Variants in ERI1 observed in about 807,000 individuals in gnomAD.
The protein encoded by ERI1 is 3'-5' exoribonuclease 1.
Under a neutral mutation model 39.7 loss-of-function variants are expected in ERI1, and 39 were observed. That is an observed-to-expected ratio of 0.98 (90% CI 0.76 to 1.28). The LOEUF (loss-of-function observed/expected upper bound fraction) is 1.28, where lower values mean the gene tolerates loss of function less well. Ranked by LOEUF, ERI1 falls within the 50% of genes most tolerant of loss-of-function variation. The pLI, the probability that ERI1 is intolerant of heterozygous loss-of-function variation, is 0.00. For missense variants in ERI1, 581 were observed against 416.9 expected (o/e 1.39, Z -3.43); for synonymous variants, 204 against 149.6 (o/e 1.36, Z -2.65).
chr8:9,023,323 GTTTATAC>G (rs1818118341), intron 6 of ERI1, among the ~76,000 whole-genome samples: 1 of 151,902 alleles, frequency 6.6e-6, no homozygotes, highest in African/African-American at 2.4e-5. Flanking sequence ...TTTCATGTCA[GTTTATAC>G]TCCAGTTGAG....
rs577769541 is a variant in ERI1, at chr8:9,047,509, TA to T, written n.299+27057del. On this transcript the variant is annotated intron_variant and non_coding_transcript_variant, in intron 3 of 3. Transcript: ENST00000518663. The stretch of plus-strand genomic sequence containing the variant: ...GGGCAACATAGCAAGACCCCATCTC[TA>T]AAAAAAAAAAAGTTTTTAAAATTAG... Among the ~76,000 whole-genome samples, 239 of 142,502 alleles carry T rather than the reference TA, an allele frequency of 1.7e-3. 1 individual carries two copies. The highest frequency in any genetic ancestry group is 1.6e-3 in the African/African-American group (63 of 39,118). 93.5% of individuals were successfully genotyped at this position (142,502 alleles called of 152,430 possible).
downstream of ERI1, among the ~76,000 whole-genome samples, chr8:9,034,808 A>T (rs1038813400): frequency 6.6e-6 from 1 of 152,228 alleles, no homozygotes. Flanking sequence ...AGACGGGCTG[A>T]AAGCTATGCC....
At chr8:9,018,261 C>T in intron 4 of ERI1, 36 bp from the exon 5 acceptor site, 2 of 1,285,428 alleles carry the variant, frequency 1.6e-6, no homozygotes, top group Middle Eastern at 1.9e-4. Flanking sequence ...GAAGCTGCAG[C>T]CCTGATTTTT....
At chr8:9,017,316 G>C (rs1026976231) in intron 4 of ERI1, among the ~76,000 whole-genome samples, 2 of 152,036 alleles carry the variant, frequency 1.3e-5, no homozygotes, top group Non-Finnish European at 2.9e-5. Flanking sequence ...GGGATTACGG[G>C]CATGAGCCAC....
chr8:9,037,073 C>A (rs1469835801), downstream of ERI1, among the ~76,000 whole-genome samples: 1 of 152,202 alleles, frequency 6.6e-6, no homozygotes, highest in Non-Finnish European at 1.5e-5. Context: ...CTCTTGCTGT[C>A]TCTTCCTGTA....
In ERI1 at chr8:9,003,068, A is replaced by G. The variant is rs1394673905; in HGVS notation, c.5A>G (p.Glu2Gly). The G allele has an allele frequency of 1.1e-5, 14 of 1,246,780 alleles. No homozygotes were observed. The highest frequency in any genetic ancestry group is 1.6e-5 in the African/African-American group (1 of 64,474). The allele number at this position is 1,246,780 out of a possible 1,614,324, so 77.2% of individuals were successfully genotyped here. MEDPQSKEPAGE... is the reference protein window; with the variant it reads MGDPQSKEPAGE... Reference sequence around the variant, plus strand: ...TCCTCTGGCGTGACAGCCGGCATGGAGGATCCACAGAGTAAAGAGCCTGCC... The same window carrying G: ...TCCTCTGGCGTGACAGCCGGCATGGGGGATCCACAGAGTAAAGAGCCTGCC... Residue 2 changes from glutamate to glycine, a missense_variant, in exon 1 of 7, where the codon GAG becomes GGG. By Grantham distance (98) the Glu-to-Gly change is moderately conservative. Transcript: ENST00000250263.
intron 3 of ERI1, among the ~76,000 whole-genome samples, chr8:9,050,118 G>C (rs1010845101): frequency 6.6e-6 from 1 of 151,906 alleles, no homozygotes; most frequent in South Asian, 2.1e-4. Flanking sequence ...GGATAAGTGA[G>C]GTAGAATATA....
At chr8:9,015,722 C>CAAAAAAAAAAAAAAAAAAAAAAA (rs758835506) in intron 3 of ERI1, among the ~76,000 whole-genome samples, 2 of 56,576 alleles carry the variant, frequency 3.5e-5, no homozygotes, top group African/African-American at 1.6e-4. Context: ...ACTCTGTCTC[C>CAAAAAAAAAAAAAAAAAAAAAAA]AAAAAAAAAA....
At position 9,021,164 on chromosome 8, in the gene ERI1, C is replaced by T. The variant is rs570018707; in HGVS notation, c.807+700C>T. 2.6e-5 allele frequency among the ~76,000 whole-genome samples: 4 copies of T among 152,276 alleles called. No individual in the cohort carries two copies. The South Asian group carries it at 8.3e-4, about 32-fold the overall frequency. ...GACTATGGAGAGTGTCCACAACTTT[C>T]CCCTGGATGTAATAATTTACTTCCG... On this transcript the variant is annotated intron_variant, in intron 6 of 6. Coordinates refer to ENST00000250263, the MANE Select transcript of ERI1 (RefSeq NM_153332.4).
Position 9,004,022 on chromosome 8 carries a change from C to G in ERI1, c.108+851C>G, listed in dbSNP as rs1252452781. The G allele has an allele frequency of 4.0e-6, 5 of 1,238,230 alleles. No homozygotes were observed. In the Admixed American group the frequency reaches 9.2e-5, roughly 23 times the overall value. 76.7% of individuals were successfully genotyped at this position (1,238,230 alleles called of 1,614,324 possible). On this transcript the variant is annotated intron_variant, in intron 1 of 6. Transcript: ENST00000250263. ...TTTGCTGCTCTGCGGGGTCGGGTGC[C>G]TGCCTCCCTTGGTAATTGCATCTCA...
At chr8:9,018,474 G>A (rs1169672189) in intron 5 of ERI1, 68 bp downstream of exon 5, 6 of 888,632 alleles carry the variant, frequency 6.8e-6, no homozygotes, top group Middle Eastern at 3.4e-4. Flanking sequence ...TTATTTATCT[G>A]ATTTTTAGAA....
At chr8:9,007,642 C>A (rs1326713469) in intron 1 of ERI1, among the ~76,000 whole-genome samples, 1 of 152,134 alleles carries the variant, frequency 6.6e-6, no homozygotes, top group Non-Finnish European at 1.5e-5. Flanking sequence ...ACGTAGCTAT[C>A]CAAAGTCATG....
At chr8:9,073,280 C>T (rs1252802103) in intron 3 of ERI1, among the ~76,000 whole-genome samples, 2 of 152,140 alleles carry the variant, frequency 1.3e-5, no homozygotes, top group African/African-American at 4.8e-5. Flanking sequence ...CACATCGTCC[C>T]GAACATGCAA....
At chr8:9,041,026 A>G (rs1459286018) in intron 3 of ERI1, among the ~76,000 whole-genome samples, 1 of 152,218 alleles carries the variant, frequency 6.6e-6, no homozygotes, top group East Asian at 1.9e-4. Context: ...TTTTCAGTGC[A>G]GACAGCTGAG....
intron 3 of ERI1, among the ~76,000 whole-genome samples, chr8:9,065,188 G>A (rs1360034740): frequency 1.3e-5 from 2 of 152,172 alleles, no homozygotes; most frequent in Non-Finnish European, 2.9e-5. Context: ...GGGCTCAGAG[G>A]CCTGACACCA....
At chr8:9,021,681 G>C (rs1159151620) in intron 6 of ERI1, among the ~76,000 whole-genome samples, 2 of 149,134 alleles carry the variant, frequency 1.3e-5, no homozygotes, top group Non-Finnish European at 3.0e-5. Context: ...TATAGCTTTA[G>C]TATTTAAATG....
intron 3 of ERI1, among the ~76,000 whole-genome samples, chr8:9,081,587 C>A (rs937425691): frequency 1.3e-5 from 2 of 152,196 alleles, no homozygotes; most frequent in Non-Finnish European, 2.9e-5. Context: ...TTTCTTCACT[C>A]TCTTTCTTTC....
chr8:9,040,977 T>C lies in ERI1; in HGVS notation n.299+20513T>C, dbSNP rs77181954. On this transcript the variant is annotated intron_variant and non_coding_transcript_variant, in intron 3 of 3. Transcript: ENST00000518663. The stretch of plus-strand genomic sequence containing the variant: ...GTGCTTACTCAGTCCTGGGCCATGC[T>C]GAAATTGCATGCATACAAGGTATAG... 2.6e-3 allele frequency among the ~76,000 whole-genome samples: 402 copies of C among 152,332 alleles called. 10 individuals are homozygous for C. The East Asian group carries it at 0.048, about 18-fold the overall frequency.
chr8:9,076,045 C>T (rs1462420933), intron 3 of ERI1, among the ~76,000 whole-genome samples: 1 of 152,138 alleles, frequency 6.6e-6, no homozygotes, highest in Non-Finnish European at 1.5e-5. Flanking sequence ...AAGTGATCCT[C>T]CTGCCTCAGC....
Sources: gnomAD v4.1 joint callset for allele counts (sites outside exome capture counted in the v4.1 genomes callset) on GRCh38, gnomAD v4.1.1 for gene constraint, MANE v1.5 for transcripts, NCBI Gene and HGNC (gene_info 2026-07-23, HGNC 2026-07-21) for gene names.